The following XRCC1 variants were observed in gnomAD, a reference collection of about 807,000 sequenced individuals.
XRCC1 encodes DNA repair protein XRCC1.
A neutral mutation model predicts 83.3 loss-of-function variants in XRCC1; 52 were observed. The ratio of observed to expected loss-of-function variants is 0.62; its 90% CI spans 0.50 to 0.79. The LOEUF is 0.79. XRCC1 is among the 30% of genes least tolerant of loss of function. The pLI is 0.00. For synonymous variants in XRCC1, 281 were observed against 312.6 expected, an observed-to-expected ratio of 0.90 and a Z score of 1.07; for missense variants, 793 against 823.5, an observed-to-expected ratio of 0.96 and a Z score of 0.45.
At chr19:43,548,785 A>AAAAAAAAAAAAAAAC (rs1600044829) in intron 10 of XRCC1, among the ~76,000 whole-genome samples, 1 of 142,352 alleles carries the variant, frequency 7.0e-6, no homozygotes, top group African/African-American at 2.7e-5. Context: ...AAAAAAAAAA[A>AAAAAAAAAAAAAAAC]ACACAACAGT....
At chr19:43,545,669 T>G in intron 14 of XRCC1, 149 bp downstream of exon 14, 1 of 1,020,940 alleles carries the variant, frequency 9.8e-7, no homozygotes, top group Non-Finnish European at 1.4e-6. Flanking sequence ...TGGCAGAACC[T>G]GAAGGTGCTG....
rs915337645 is a variant in XRCC1, at chr19:43,560,911, T to C, written c.254A>G (p.Glu85Gly). Residue 85 changes from glutamate (E) to glycine (G), a missense_variant and splice_region_variant, in exon 3 of 17, where the codon GAG becomes GGG. Coordinates refer to ENST00000262887, the MANE Select transcript of XRCC1 (RefSeq NM_006297.3). Reference sequence around the variant, plus strand: ...GATCCATCTCATAGCCCTGCTTACCTCATAGTCTTGCTCCCCAGCGCCTCC... The same window carrying C: ...GATCCATCTCATAGCCCTGCTTACCCCATAGTCTTGCTCCCCAGCGCCTCC... The part of the protein sequence containing the change: ...SAGGAGEQDY[E>G]VLLVTSSFMS... 90 of 1,613,104 alleles carry C rather than the reference T, an allele frequency of 5.6e-5. No homozygotes were observed. The highest frequency in any genetic ancestry group is 7.5e-5 in the Non-Finnish European group (88 of 1,179,172).
At position 43,551,704 on chromosome 19, in the gene XRCC1, G is replaced by A. The variant is rs1238988567; in HGVS notation, c.1083-17C>T. 6.3e-7 allele frequency: 1 copy of A among 1,599,844 alleles called. No homozygotes were observed. The highest frequency in any genetic ancestry group is 8.6e-7 in the Non-Finnish European group (1 of 1,167,282). On this transcript the variant is annotated splice_polypyrimidine_tract_variant and intron_variant, in intron 9 of 16. Coordinates refer to ENST00000262887, the MANE Select transcript of XRCC1 (RefSeq NM_006297.3). ...AAGGCACAGCTGGTGGGGGGCAGAA[G>A]TGAAGATGCCAGTTAGGTGTGATCT... is the stretch of plus-strand genomic sequence containing the variant.
At chr19:43,548,532 G>A (rs1448501551) in intron 10 of XRCC1, among the ~76,000 whole-genome samples, 4 of 152,082 alleles carry the variant, frequency 2.6e-5, no homozygotes, top group Non-Finnish European at 5.9e-5. Flanking sequence ...ATGGATTAAG[G>A]GCGGTGCAAG....
intron 3 of XRCC1, chr19:43,555,148 G>C (rs1042758082): frequency 3.4e-5 from 6 of 175,734 alleles, no homozygotes; most frequent in African/African-American, 1.4e-4. Flanking sequence ...ACACCTTTTG[G>C]AAATGCACAG....
intron 2 of XRCC1, among the ~76,000 whole-genome samples, chr19:43,562,725 G>A (rs1025483364): frequency 1.1e-4 from 17 of 152,204 alleles, no homozygotes; most frequent in African/African-American, 3.1e-4. Context: ...GGGCGACAGA[G>A]TGATGAGACC....
chr19:43,548,779 A>AAAAAAAAAAAAAAAAAAAAAAAAAAAAAC (rs1213062759), intron 10 of XRCC1, among the ~76,000 whole-genome samples: 5 of 141,720 alleles, frequency 3.5e-5, no homozygotes, highest in Middle Eastern at 4.4e-3. Flanking sequence ...AAAAAAAAAA[A>AAAAAAAAAAAAAAAAAAAAAAAAAAAAAC]AAAAAAACAC....
At position 43,546,133 on chromosome 19, in the gene XRCC1, A is replaced by C. The variant is rs200977995; in HGVS notation, c.1427-27T>G. ...TGCAAGTAGAAGCTCAGTCAATGCAAGGCTGCCTTGTCTCCTGGGAAGACT... is the reference window on the plus strand; with the variant it reads ...TGCAAGTAGAAGCTCAGTCAATGCACGGCTGCCTTGTCTCCTGGGAAGACT... On this transcript the variant is annotated intron_variant, in intron 12 of 16. Transcript: ENST00000262887. The C allele has an allele frequency of 1.4e-4, 226 of 1,613,420 alleles. No individual in the cohort carries two copies. The African/African-American group carries it at 2.8e-3, about 20-fold the overall frequency.
intron 9 of XRCC1, 24 bp downstream of exon 9, chr19:43,551,993 G>A (rs1972580962): frequency 1.9e-6 from 3 of 1,611,180 alleles, no homozygotes; most frequent in Non-Finnish European, 1.7e-6. Context: ...CTGCAGCGGC[G>A]CAGGGAGGGG....
At chr19:43,555,654 C>T (rs1972628761) in intron 3 of XRCC1, among the ~76,000 whole-genome samples, 1 of 152,200 alleles carries the variant, frequency 6.6e-6, no homozygotes, top group Admixed American at 6.5e-5. Context: ...ATAATTCCTG[C>T]TCCTTTCTTT....
chr19:43,547,966 T>C (rs1174488282), intron 10 of XRCC1, among the ~76,000 whole-genome samples: 1 of 149,460 alleles, frequency 6.7e-6, no homozygotes, highest in Non-Finnish European at 1.5e-5. Context: ...ATAATCATGG[T>C]TCCTTAAGCC....
Position 43,554,662 on chromosome 19 carries a change from C to G in XRCC1, c.398G>C (p.Ser133Thr). 6.2e-7 allele frequency: 1 copy of G among 1,612,666 alleles called. No individual in the cohort carries two copies. Among genetic ancestry groups the G allele is most frequent in the Non-Finnish European group, 8.5e-7 (1 of 1,179,090 alleles). ...KRWDRVKIVC[S>T]QPYSKDSPFG... ...CCTAGGTACCTTGCTGTAGGGCTGG[C>G]TGCAAACAATTTTGACCCGGTCCCA... is the stretch of plus-strand genomic sequence containing the variant. Residue 133 changes from serine to threonine, a missense_variant, in exon 4 of 17, where the codon AGC becomes ACC. Ser to Thr is a moderately conservative substitution (Grantham distance 58, BLOSUM62 1). Coordinates refer to ENST00000262887, the MANE Select transcript of XRCC1 (RefSeq NM_006297.3).
intron 2 of XRCC1, among the ~76,000 whole-genome samples, chr19:43,567,374 G>A (rs994733610): frequency 6.6e-6 from 1 of 151,894 alleles, no homozygotes; most frequent in African/African-American, 2.4e-5. Flanking sequence ...GTGCAGTGGT[G>A]CAATCTCAGC....
rs1382435029 is a variant in XRCC1 at position 43,574,963 on chromosome 19, G to T, written c.91C>A (p.Arg31=). 2 of 1,614,132 alleles carry T rather than the reference G, an allele frequency of 1.2e-6. No homozygotes were observed. The highest frequency in any genetic ancestry group is 1.7e-6 in the Non-Finnish European group (2 of 1,180,028). Residue 31 remains arginine (R), a synonymous_variant, in exon 2 of 17, where the codon CGA becomes AGA. Transcript: ENST00000262887. ...CCTGCCTTGGCTGCCCGCCATTTTC[G>T]GTAAGTGTCTGCCTTGAGAAGATTT... ...AENLLKADTY[R]KWRAAKAGEK... is the part of the protein sequence containing the mutation.
At chr19:43,574,051 T>C (rs879436500) in intron 2 of XRCC1, among the ~76,000 whole-genome samples, 2 of 152,112 alleles carry the variant, frequency 1.3e-5, no homozygotes, top group African/African-American at 2.4e-5. Context: ...ACAGGTAACG[T>C]TGAATAATGC....
chr19:43,551,692 T>A lies in XRCC1; in HGVS notation c.1083-5A>T, dbSNP rs1568513345. 1 of 1,611,910 alleles carries A rather than the reference T, an allele frequency of 6.2e-7. No individual in the cohort carries two copies. The highest frequency in any genetic ancestry group is 1.1e-5 in the South Asian group (1 of 91,024). The stretch of plus-strand genomic sequence containing the variant: ...GGGGTGTTGGCAAAGGCACAGCTGG[T>A]GGGGGGCAGAAGTGAAGATGCCAGT... On this transcript the variant is annotated splice_polypyrimidine_tract_variant and splice_region_variant and intron_variant, in intron 9 of 16. Transcript: ENST00000262887.
chr19:43,563,998 G>A (rs563042255), intron 2 of XRCC1, among the ~76,000 whole-genome samples: 7 of 152,296 alleles, frequency 4.6e-5, no homozygotes, highest in East Asian at 3.9e-4. Context: ...ATTTCCTGCT[G>A]TGTGATCCTG....
Position 43,545,896 on chromosome 19 carries a change from A to G in XRCC1, c.1543T>C (p.Tyr515His). 6.2e-7 allele frequency: 1 copy of G among 1,613,934 alleles called. No individual in the cohort carries two copies. Among genetic ancestry groups the G allele is most frequent in the Non-Finnish European group, 8.5e-7 (1 of 1,179,924 alleles). The change falls in exon 14 of 17, where the codon TAT becomes CAT. Residue 515 changes from tyrosine to histidine, a missense_variant. Coordinates refer to ENST00000262887, the MANE Select transcript of XRCC1 (RefSeq NM_006297.3). ...PGQEENGEDP[Y>H]AGSTDENTDS... is the part of the protein sequence containing the mutation. ...GTGTTCTCATCCGTGGAGCCTGCAT[A>G]CGGGTCTTCCCCATTCTCCTCCTGG...
Position 43,574,897 on chromosome 19 carries a change from G to A in XRCC1, c.144+13C>T, listed in dbSNP as rs753832533. 5.6e-6 allele frequency: 9 copies of A among 1,609,720 alleles called. No homozygotes were observed. The Admixed American group carries it at 8.3e-5, about 15-fold the overall frequency. ...AGACTCCTAGTGAGGAGGAGGTGGG[G>A]TGGCAGGATCACCTGTAGGACCACA... On this transcript the variant is annotated intron_variant, in intron 2 of 16. Coordinates refer to ENST00000262887, the MANE Select transcript of XRCC1 (RefSeq NM_006297.3).
Sources: gnomAD v4.1 joint callset for allele counts (sites outside exome capture counted in the v4.1 genomes callset) on GRCh38, gnomAD v4.1.1 for gene constraint, MANE v1.5 for transcripts, NCBI Gene and HGNC (gene_info 2026-07-23, HGNC 2026-07-21) for gene names.